The following RPH3A variants were observed in gnomAD, a reference collection of about 807,000 sequenced individuals.
The protein encoded by RPH3A is rabphilin-3A.
A neutral mutation model predicts 102.2 loss-of-function variants in RPH3A; 48 were observed. The observed-to-expected ratio is 0.47, with a 90% confidence interval of 0.37 to 0.60. The LOEUF (loss-of-function observed/expected upper bound fraction) is 0.60, where lower values mean the gene tolerates loss of function less well. Ranked by LOEUF, RPH3A falls within the 20% of genes least tolerant of loss-of-function variation. The probability of loss-of-function intolerance (pLI) is 0.00; values close to 1 mark genes in which losing one functional copy is unlikely to be tolerated. For missense variants in RPH3A, 781 were observed against 910.1 expected (o/e 0.86, Z 1.83); for synonymous variants, 310 against 324.3 (o/e 0.96, Z 0.47).
intron 1 of RPH3A, among the ~76,000 whole-genome samples, chr12:112,586,460 G>A (rs1346751674): frequency 6.6e-6 from 1 of 152,086 alleles, no homozygotes; most frequent in Admixed American, 6.6e-5. Flanking sequence ...GAGGGAGTAA[G>A]GCATGAGAAG....
At chr12:112,576,908 C>CTTTTTTTT (rs1491257403) in intron 1 of RPH3A, among the ~76,000 whole-genome samples, 2 of 89,872 alleles carry the variant, frequency 2.2e-5, no homozygotes, top group African/African-American at 1.2e-4. Context: ...TTCTTTTCTT[C>CTTTTTTTT]CTTTTTTTTT....
At chr12:112,704,944 G>A (rs2040418471) in intron 1 of RPH3A, among the ~76,000 whole-genome samples, 1 of 152,182 alleles carries the variant, frequency 6.6e-6, no homozygotes, top group Non-Finnish European at 1.5e-5. Flanking sequence ...CCATAAAAAT[G>A]AGACTGGCTG....
At chr12:112,577,327 G>T (rs1398808497) in intron 1 of RPH3A, among the ~76,000 whole-genome samples, 1 of 152,168 alleles carries the variant, frequency 6.6e-6, no homozygotes, top group Non-Finnish European at 1.5e-5. Context: ...AGAACTGAGG[G>T]TTCCTCCCCT....
chr12:112,887,999 G>C (rs970612028), intron 17 of RPH3A, 76 bp downstream of exon 17: 1 of 1,542,050 alleles, frequency 6.5e-7, no homozygotes, highest in Admixed American at 1.7e-5. Context: ...GTCTGAATTG[G>C]GGGAAATAGA....
At chr12:112,867,350 C>T (rs566747125) in intron 7 of RPH3A, among the ~76,000 whole-genome samples, 3 of 152,220 alleles carry the variant, frequency 2.0e-5, no homozygotes, top group South Asian at 4.2e-4. Context: ...ACTCATCTTA[C>T]CCCAATTAAG....
intron 2 of RPH3A, among the ~76,000 whole-genome samples, chr12:112,825,004 T>G (rs1414161382): frequency 6.6e-6 from 1 of 152,040 alleles, no homozygotes; most frequent in East Asian, 1.9e-4. Flanking sequence ...AACCTTCAGT[T>G]ACAGTTTCAG....
chr12:112,852,630 C>T (rs1452331194), intron 5 of RPH3A, among the ~76,000 whole-genome samples: 3 of 152,196 alleles, frequency 2.0e-5, no homozygotes, highest in African/African-American at 7.2e-5. Context: ...CCCTAGATGC[C>T]TGCCCCTCAT....
chr12:112,584,011 A>C (rs192828486), intron 1 of RPH3A, among the ~76,000 whole-genome samples: 177 of 152,286 alleles, frequency 1.2e-3, no homozygotes, highest in Admixed American at 3.1e-3. Context: ...TACATAAATT[A>C]AAGGGCTAAA....
chr12:112,790,158 G>A (rs2041082881), upstream of RPH3A, among the ~76,000 whole-genome samples: 1 of 151,942 alleles, frequency 6.6e-6, no homozygotes, highest in Non-Finnish European at 1.5e-5. Context: ...CCAGGTTCAT[G>A]TGATTCTCCT....
chr12:112,707,202 A>G (rs2040432232), intron 1 of RPH3A, among the ~76,000 whole-genome samples: 1 of 152,120 alleles, frequency 6.6e-6, no homozygotes, highest in Non-Finnish European at 1.5e-5. Flanking sequence ...AAATGAGCTT[A>G]CCTGGCTGGA....
rs551836047 is a variant in RPH3A at position 112,772,708 on chromosome 12, C to T, written c.-139-19435C>T. Among the ~76,000 whole-genome samples the T allele has an allele frequency of 2.7e-5, 4 of 147,892 alleles. No homozygotes were observed. In the East Asian group the frequency reaches 7.8e-4, roughly 29 times the overall value. On this transcript the variant is annotated intron_variant, in intron 1 of 21. Coordinates refer to the RPH3A transcript ENST00000543106. Reference sequence around the variant, plus strand: ...GGGGCATCATTCTCTTAGGCTTGCACAGAAATTAATTAATTAATTATTTAA... The same window carrying T: ...GGGGCATCATTCTCTTAGGCTTGCATAGAAATTAATTAATTAATTATTTAA...
At chr12:112,849,549 T>C (rs1437398984) in intron 5 of RPH3A, among the ~76,000 whole-genome samples, 2 of 152,162 alleles carry the variant, frequency 1.3e-5, no homozygotes, top group Non-Finnish European at 2.9e-5. Context: ...TTCAACCTTT[T>C]TCTTGCATGG....
At chr12:112,812,706 T>C (rs907831583) in intron 2 of RPH3A, among the ~76,000 whole-genome samples, 3 of 152,226 alleles carry the variant, frequency 2.0e-5, no homozygotes, top group Admixed American at 6.5e-5. Context: ...TCTCCCTCTC[T>C]CCCTCACATA....
chr12:112,780,886 G>T (rs560148396), intron 1 of RPH3A, among the ~76,000 whole-genome samples: 16 of 152,282 alleles, frequency 1.1e-4, no homozygotes, highest in African/African-American at 3.1e-4. Flanking sequence ...CGGGCATGGT[G>T]GCTCAAGCTG....
intron 4 of RPH3A, among the ~76,000 whole-genome samples, chr12:112,841,174 A>T (rs868321758): frequency 2.6e-4 from 7 of 26,504 alleles, no homozygotes; most frequent in African/African-American, 8.3e-4. Flanking sequence ...CTTGTTTCTT[A>T]AAAAAAAAAA....
At chr12:112,754,942 G>C (rs2040811987) in intron 1 of RPH3A, among the ~76,000 whole-genome samples, 3 of 152,174 alleles carry the variant, frequency 2.0e-5, no homozygotes, top group Admixed American at 1.3e-4. Flanking sequence ...TTTTTTAAAA[G>C]CTTCCCAGGT....
At chr12:112,883,788 C>T (rs376247180) in intron 16 of RPH3A, among the ~76,000 whole-genome samples, 17 of 152,268 alleles carry the variant, frequency 1.1e-4, no homozygotes, top group African/African-American at 4.1e-4. Flanking sequence ...ATTTCACATT[C>T]TTCTACAGTG....
At chr12:112,801,173 T>A (rs977107189) in intron 2 of RPH3A, among the ~76,000 whole-genome samples, 6 of 152,126 alleles carry the variant, frequency 3.9e-5, no homozygotes, top group Admixed American at 2.6e-4. Context: ...TGTCTGCAGC[T>A]TCCTCTCTGA....
intron 15 of RPH3A, among the ~76,000 whole-genome samples, chr12:112,882,936 C>T (rs1319424183): frequency 4.6e-5 from 7 of 152,160 alleles, no homozygotes; most frequent in African/African-American, 1.7e-4. Flanking sequence ...CAGAGAGAAC[C>T]ATCCCAATAT....
Sources: allele counts gnomAD v4.1 joint callset (sites outside exome capture counted in the v4.1 genomes callset), GRCh38; gene constraint gnomAD v4.1.1; transcripts MANE v1.5; gene names NCBI Gene and HGNC (gene_info 2026-07-23, HGNC 2026-07-21).